PHF24: variants seen among roughly 807,000 people sequenced by gnomAD.
PHF24 encodes the protein PHD finger protein 24.
Under a neutral mutation model 42.6 loss-of-function variants are expected in PHF24, and 25 were observed. That is an observed-to-expected ratio of 0.59 (90% CI 0.43 to 0.82). The LOEUF is 0.82. PHF24 is among the 40% of genes least tolerant of loss of function. The pLI, the probability that PHF24 is intolerant of heterozygous loss-of-function variation, is 0.00. For synonymous variants in PHF24, 185 were observed against 204.8 expected, an observed-to-expected ratio of 0.90 and a Z score of 0.83; for missense variants, 470 against 538.1, an observed-to-expected ratio of 0.87 and a Z score of 1.25.
chr9:34,848,318 T>G, the PHF24 span, among the ~76,000 whole-genome samples: 1 of 151,832 alleles, frequency 6.6e-6, no homozygotes, highest in Non-Finnish European at 1.5e-5. Flanking sequence ...TTCTTCCTGG[T>G]TTAGTCTTGG....
chr9:34,832,072 C>G, the PHF24 span, among the ~76,000 whole-genome samples: 1 of 152,272 alleles, frequency 6.6e-6, no homozygotes, highest in South Asian at 2.1e-4. Flanking sequence ...CACACCTTCC[C>G]TTAACACAAT....
the PHF24 span, among the ~76,000 whole-genome samples, chr9:34,699,758 C>T: frequency 1.3e-5 from 2 of 152,184 alleles, no homozygotes; most frequent in Non-Finnish European, 2.9e-5. Context: ...CTCCTATGTG[C>T]CAGACACCGT....
the PHF24 span, among the ~76,000 whole-genome samples, chr9:34,695,625 T>C: frequency 2.9e-3 from 436 of 152,266 alleles, 2 homozygotes; most frequent in African/African-American, 9.9e-3. Context: ...TGGGATCTGA[T>C]GCTACCTCCA....
At chr9:34,950,381 A>G in the PHF24 span, among the ~76,000 whole-genome samples, 3 of 151,374 alleles carry the variant, frequency 2.0e-5, no homozygotes, top group African/African-American at 4.8e-5. Flanking sequence ...AATTGAAATC[A>G]TACAGAGTAT....
chr9:34,905,896 G>A, the PHF24 span, among the ~76,000 whole-genome samples: 1 of 152,168 alleles, frequency 6.6e-6, no homozygotes, highest in African/African-American at 2.4e-5. Context: ...CTCCTCATGG[G>A]AATGTTTTTC....
At chr9:34,711,331 C>G in the PHF24 span, among the ~76,000 whole-genome samples, 3 of 149,962 alleles carry the variant, frequency 2.0e-5, no homozygotes, top group African/African-American at 7.4e-5. Flanking sequence ...ACAGCAGCCT[C>G]GACCTCCTGG....
intron 3 of PHF24, among the ~76,000 whole-genome samples, chr9:34,974,043 G>A (rs1293281199): frequency 6.6e-6 from 1 of 151,816 alleles, no homozygotes; most frequent in Admixed American, 6.6e-5. Context: ...GTCTCACTGT[G>A]TCACCTGGCT....
the PHF24 span, among the ~76,000 whole-genome samples, chr9:34,869,330 A>G: frequency 4.1e-4 from 63 of 152,312 alleles, no homozygotes; most frequent in African/African-American, 1.3e-3. Flanking sequence ...GAGTCACCAC[A>G]CTGTCTTCTA....
the PHF24 span, among the ~76,000 whole-genome samples, chr9:34,722,462 A>C: frequency 6.6e-6 from 1 of 152,138 alleles, no homozygotes; most frequent in African/African-American, 2.4e-5. Context: ...GTTTGAGATG[A>C]ATATTGGACT....
At chr9:34,822,630 T>G in the PHF24 span, among the ~76,000 whole-genome samples, 2 of 152,168 alleles carry the variant, frequency 1.3e-5, no homozygotes, top group Non-Finnish European at 2.9e-5. Flanking sequence ...TCCAGAATAA[T>G]ATATTGCAAT....
At chr9:34,867,087 C>T in the PHF24 span, among the ~76,000 whole-genome samples, 1 of 152,186 alleles carries the variant, frequency 6.6e-6, no homozygotes, top group Non-Finnish European at 1.5e-5. Context: ...GATCTTCAGC[C>T]TCTGGGGGTC....
chr9:34,972,611 G>T, intron 3 of PHF24, 80 bp downstream of exon 3: 1 of 1,381,484 alleles, frequency 7.2e-7, no homozygotes, highest in Non-Finnish European at 9.8e-7. Flanking sequence ...ATTTTAGGCA[G>T]TGACCTAAAG....
At chr9:34,901,420 G>A in the PHF24 span, among the ~76,000 whole-genome samples, 1 of 152,158 alleles carries the variant, frequency 6.6e-6, no homozygotes, top group East Asian at 1.9e-4. Context: ...AGACCACAGG[G>A]ATGCAATCAG....
At chr9:34,918,092 C>G in the PHF24 span, 1 of 1,536,746 alleles carries the variant, frequency 6.5e-7, no homozygotes, top group Non-Finnish European at 9.0e-7. Flanking sequence ...TCCATGAAAC[C>G]TCCAACATCA....
chr9:34,911,901 G>A, the PHF24 span, among the ~76,000 whole-genome samples: 1 of 152,122 alleles, frequency 6.6e-6, no homozygotes, highest in African/African-American at 2.4e-5. Flanking sequence ...TGAGTTTCCT[G>A]GGTTGTTTTC....
At chr9:34,865,267 T>C in the PHF24 span, among the ~76,000 whole-genome samples, 1 of 151,992 alleles carries the variant, frequency 6.6e-6, no homozygotes, top group Non-Finnish European at 1.5e-5. Context: ...AGATAGTATT[T>C]GAAAACTTCA....
the PHF24 span, among the ~76,000 whole-genome samples, chr9:34,675,648 G>A: frequency 6.6e-6 from 1 of 152,112 alleles, no homozygotes; most frequent in African/African-American, 2.4e-5. Flanking sequence ...CTATCCCCTG[G>A]AGCTTGAAAT....
chr9:34,936,983 T>G, the PHF24 span, among the ~76,000 whole-genome samples: 1 of 124,470 alleles, frequency 8.0e-6, no homozygotes, highest in Admixed American at 8.1e-5. Flanking sequence ...GAGGTGGGGG[T>G]CAGCCCCCGC....
the PHF24 span, chr9:34,895,669 A>T: frequency 2.5e-6 from 1 of 403,804 alleles, no homozygotes; most frequent in African/African-American, 2.1e-5. Context: ...AGATGGATCC[A>T]TAGGTGTATA....
Sources: allele counts gnomAD v4.1 joint callset (sites outside exome capture counted in the v4.1 genomes callset), GRCh38; gene constraint gnomAD v4.1.1; transcripts MANE v1.5; gene names NCBI Gene and HGNC (gene_info 2026-07-23, HGNC 2026-07-21).